The following SPATA31H1 variants were observed in gnomAD, a reference collection of about 807,000 sequenced individuals.
SPATA31H1 encodes the protein spermatogenesis-associated protein 31H1.
chr2:27,576,771 G>A, the SPATA31H1 span: 1 of 1,614,030 alleles, frequency 6.2e-7, no homozygotes, highest in Admixed American at 1.7e-5. Context: ...GGAGTTTACT[G>A]TAGAGCCAAA....
At chr2:27,580,661 A>G in the SPATA31H1 span, 1 of 1,614,264 alleles carries the variant, frequency 6.2e-7, no homozygotes, top group Non-Finnish European at 8.5e-7. Flanking sequence ...CATTCCAAAC[A>G]GCACACAGAG....
At chr2:27,578,903 T>A in the SPATA31H1 span, 1 of 1,614,112 alleles carries the variant, frequency 6.2e-7, no homozygotes. Flanking sequence ...TTTTGCAGCC[T>A]GAAGAGACCT....
the SPATA31H1 span, among the ~76,000 whole-genome samples, chr2:27,554,444 G>A: frequency 3.3e-5 from 5 of 152,008 alleles, no homozygotes; most frequent in Non-Finnish European, 5.9e-5. Context: ...TCTGGAGGCT[G>A]GGAAGTCCAG....
chr2:27,539,638 T>G, the SPATA31H1 span, among the ~76,000 whole-genome samples: 3 of 107,216 alleles, frequency 2.8e-5, no homozygotes, highest in Admixed American at 3.4e-4. Context: ...TGGGCACACC[T>G]CCCAGACGGG....
At chr2:27,541,633 A>T in the SPATA31H1 span, among the ~76,000 whole-genome samples, 1 of 152,006 alleles carries the variant, frequency 6.6e-6, no homozygotes, top group African/African-American at 2.4e-5. Flanking sequence ...ACACATGAAA[A>T]GTTGTGAATG....
chr2:27,563,382 C>G, the SPATA31H1 span, among the ~76,000 whole-genome samples: 1 of 64,774 alleles, frequency 1.5e-5, no homozygotes, highest in Non-Finnish European at 2.8e-5. Flanking sequence ...TCCTCTTCTA[C>G]TTCTTTTTTT....
the SPATA31H1 span, chr2:27,568,868 G>T: frequency 3.3e-5 from 13 of 398,914 alleles, no homozygotes; most frequent in Non-Finnish European, 4.9e-5. Context: ...AAGCTGCAGA[G>T]ATGAGCCCCA....
At chr2:27,555,582 G>A in the SPATA31H1 span, among the ~76,000 whole-genome samples, 17 of 151,870 alleles carry the variant, frequency 1.1e-4, no homozygotes, top group East Asian at 3.1e-3. Context: ...GCTGAGACAG[G>A]ATGATTGCTT....
At chr2:27,539,780 C>T in the SPATA31H1 span, among the ~76,000 whole-genome samples, 1 of 48,946 alleles carries the variant, frequency 2.0e-5, no homozygotes, top group Non-Finnish European at 3.6e-5. Context: ...GGCGGCTGGC[C>T]AGGCAGAGGG....
the SPATA31H1 span, among the ~76,000 whole-genome samples, chr2:27,563,394 T>TTTTTC: frequency 8.2e-6 from 1 of 122,148 alleles, no homozygotes; most frequent in East Asian, 2.2e-4. Flanking sequence ...TCTTTTTTTT[T>TTTTTC]TTTTTTTTTT....
chr2:27,549,591 C>T, the SPATA31H1 span, among the ~76,000 whole-genome samples: 2 of 151,754 alleles, frequency 1.3e-5, no homozygotes, highest in African/African-American at 2.4e-5. Flanking sequence ...GGTGGGATCA[C>T]CTGAGGTCAG....
chr2:27,568,646 C>G, the SPATA31H1 span: 9 of 398,938 alleles, frequency 2.3e-5, no homozygotes, highest in East Asian at 3.2e-4. Flanking sequence ...TGGAGCTGAC[C>G]CTAAGACCAC....
the SPATA31H1 span, chr2:27,574,736 A>C: frequency 7.5e-6 from 3 of 398,330 alleles, no homozygotes; most frequent in Non-Finnish European, 1.3e-5. Flanking sequence ...CTGAGTTAAC[A>C]CCAGAGACAA....
chr2:27,547,905 T>G, the SPATA31H1 span, among the ~76,000 whole-genome samples: 1 of 151,428 alleles, frequency 6.6e-6, no homozygotes, highest in Non-Finnish European at 1.5e-5. Context: ...TTTTAGTATA[T>G]CTAAAACATA....
chr2:27,582,569 C>T, the SPATA31H1 span: 2 of 1,521,024 alleles, frequency 1.3e-6, no homozygotes, highest in East Asian at 2.3e-5. Flanking sequence ...AAGTCTTCAT[C>T]GTGCTGCCCT....
the SPATA31H1 span, among the ~76,000 whole-genome samples, chr2:27,556,838 G>C: frequency 3.5e-5 from 4 of 113,158 alleles, no homozygotes; most frequent in South Asian, 3.3e-4. Context: ...GTTTTCCTAG[G>C]CAGAGGACCC....
chr2:27,577,921 T>A, the SPATA31H1 span: 23 of 1,614,108 alleles, frequency 1.4e-5, no homozygotes, highest in Middle Eastern at 6.6e-4. This position sits in a 1 kb window ranked among gnomAD's most constrained non-coding sequence, Gnocchi z 4.5. Context: ...TCAATGGGGC[T>A]AACAAAGTCA....
the SPATA31H1 span, among the ~76,000 whole-genome samples, chr2:27,548,381 G>T: frequency 6.6e-6 from 1 of 151,678 alleles, no homozygotes; most frequent in Non-Finnish European, 1.5e-5. Flanking sequence ...ACTGAGGCAG[G>T]AGGATTGCTT....
the SPATA31H1 span, among the ~76,000 whole-genome samples, chr2:27,551,140 T>G: frequency 6.6e-6 from 1 of 152,030 alleles, no homozygotes; most frequent in Non-Finnish European, 1.5e-5. Flanking sequence ...TCCACCTGCC[T>G]TGGCCTCCCA....
Sources: gnomAD v4.1 joint callset for allele counts (sites outside exome capture counted in the v4.1 genomes callset) on GRCh38, gnomAD v4.1.1 for gene constraint, Gnocchi (gnomAD v3.1) non-coding constraint, MANE v1.5 for transcripts, NCBI Gene and HGNC (gene_info 2026-07-23, HGNC 2026-07-21) for gene names.